Variants in RIMS2 observed in about 807,000 individuals in gnomAD.
RIMS2 encodes the protein regulating synaptic membrane exocytosis protein 2.
RIMS2 carries 59 observed loss-of-function variants against 174.4 expected under a neutral mutation model. The ratio of observed to expected loss-of-function variants is 0.34; its 90% CI spans 0.27 to 0.42. The LOEUF (loss-of-function observed/expected upper bound fraction) is 0.42. Among genes scored for constraint, RIMS2 ranks in the 10% least tolerant of loss-of-function variants. RIMS2 has a pLI of 1.00. For synonymous variants in RIMS2, 606 were observed against 572.5 expected, an observed-to-expected ratio of 1.06 and a Z score of -0.84; for missense variants, 1,620 against 1,666.3, an observed-to-expected ratio of 0.97 and a Z score of 0.48.
intron 19 of RIMS2, among the ~76,000 whole-genome samples, chr8:104,205,169 T>A (rs184733858): frequency 6.6e-6 from 1 of 152,322 alleles, no homozygotes; most frequent in African/African-American, 2.4e-5. Context: ...GTGAAAACTA[T>A]ACCTTTTTCC....
chr8:103,885,908 A>G, exon 4 of RIMS2: 1 of 1,613,052 alleles, frequency 6.2e-7, no homozygotes, highest in Non-Finnish European at 8.5e-7. Context: ...TCCTACCCCC[A>G]GGAGGAGTCC....
chr8:103,708,558 A>G (rs879421206), intron 2 of RIMS2, among the ~76,000 whole-genome samples: 8 of 152,120 alleles, frequency 5.3e-5, no homozygotes, highest in Non-Finnish European at 7.4e-5. Context: ...CTTGCCAGGG[A>G]CATGATCACA....
At chr8:103,526,176 G>C (rs1035097429) in intron 1 of RIMS2, among the ~76,000 whole-genome samples, 11 of 152,278 alleles carry the variant, frequency 7.2e-5, no homozygotes, top group Middle Eastern at 3.4e-3. Flanking sequence ...CCAGGCTTTG[G>C]GTTGGGACCT....
chr8:103,728,571 T>C (rs1167739285), intron 2 of RIMS2, among the ~76,000 whole-genome samples: 1 of 152,042 alleles, frequency 6.6e-6, no homozygotes, highest in East Asian at 1.9e-4. Flanking sequence ...GGGTCTGGCA[T>C]ACATGGCTTT....
chr8:104,204,702 G>C (rs753301249), intron 19 of RIMS2, among the ~76,000 whole-genome samples: 21 of 152,154 alleles, frequency 1.4e-4, no homozygotes, highest in Non-Finnish European at 2.5e-4. Context: ...TTTGAGGAAA[G>C]AGAGAAGCTA....
intron 4 of RIMS2, among the ~76,000 whole-genome samples, chr8:103,892,027 G>A (rs992883607): frequency 2.0e-5 from 3 of 151,948 alleles, no homozygotes; most frequent in African/African-American, 7.2e-5. Context: ...GAATTTATGT[G>A]TTTGTAAAGA....
chr8:103,910,376 T>C (rs779306669), intron 5 of RIMS2: 4 of 1,598,232 alleles, frequency 2.5e-6, no homozygotes, highest in African/African-American at 2.7e-5. Context: ...TGTCGGACTC[T>C]AACACCAGGT....
downstream of RIMS2, chr8:104,254,709 T>G (rs976566827): frequency 8.5e-5 from 13 of 152,212 alleles, no homozygotes; most frequent in African/African-American, 3.1e-4. Flanking sequence ...ACAGATTTTT[T>G]GAGTGAAATT....
At chr8:103,588,096 TGCTATATGCCA>T (rs1224102879) in intron 1 of RIMS2, among the ~76,000 whole-genome samples, 1 of 151,986 alleles carries the variant, frequency 6.6e-6, no homozygotes, top group East Asian at 1.9e-4. Flanking sequence ...TCAGTAGCAT[TGCTATATGCCA>T]ACAGTGAAGA....
intron 1 of RIMS2, among the ~76,000 whole-genome samples, chr8:103,670,757 A>G (rs886464119): frequency 5.3e-5 from 8 of 152,186 alleles, no homozygotes; most frequent in Non-Finnish European, 1.0e-4. Flanking sequence ...CATTGTCTAT[A>G]TCATTATCAG....
At chr8:103,911,679 G>A (rs935621468) in intron 5 of RIMS2, among the ~76,000 whole-genome samples, 7 of 152,178 alleles carry the variant, frequency 4.6e-5, no homozygotes, top group Non-Finnish European at 8.8e-5. Flanking sequence ...ATTCACTTGC[G>A]TAGAATTTCA....
intron 2 of RIMS2, among the ~76,000 whole-genome samples, chr8:103,758,470 T>C (rs2098060421): frequency 6.6e-6 from 1 of 152,112 alleles, no homozygotes. Context: ...AAGCTGTAGG[T>C]TGAGAAGATT....
intron 2 of RIMS2, among the ~76,000 whole-genome samples, chr8:103,736,430 A>G (rs2097686494): frequency 6.6e-6 from 1 of 152,128 alleles, no homozygotes; most frequent in Admixed American, 6.6e-5. Context: ...ATTAGCTTGA[A>G]CTTCTGCATG....
At chr8:103,547,901 G>C (rs150722786) in intron 1 of RIMS2, among the ~76,000 whole-genome samples, 41 of 152,162 alleles carry the variant, frequency 2.7e-4, no homozygotes, top group African/African-American at 9.2e-4. Context: ...ACACAAACTA[G>C]AAAACTTAGA....
chr8:103,762,948 G>T (rs541418328), intron 2 of RIMS2, among the ~76,000 whole-genome samples: 2 of 152,122 alleles, frequency 1.3e-5, no homozygotes, highest in African/African-American at 4.8e-5. Context: ...GTAAAAATAC[G>T]GTATTATAAT....
intron 19 of RIMS2, among the ~76,000 whole-genome samples, chr8:104,056,903 T>G (rs941597089): frequency 5.9e-5 from 9 of 151,942 alleles, no homozygotes; most frequent in Non-Finnish European, 8.8e-5. Context: ...AAAAAAAAGT[T>G]TTTATTTAAT....
intron 19 of RIMS2, among the ~76,000 whole-genome samples, chr8:104,133,573 C>T (rs1464775579): frequency 6.6e-6 from 1 of 151,964 alleles, no homozygotes; most frequent in Non-Finnish European, 1.5e-5. Context: ...TAGCAGACTG[C>T]CATAAAATGA....
chr8:103,912,305 A>C (rs1460270339), intron 6 of RIMS2, 133 bp downstream of exon 9: 1 of 522,602 alleles, frequency 1.9e-6, no homozygotes, highest in African/African-American at 1.9e-5. Context: ...GAAGATTCGC[A>C]CTCATTATCT....
At chr8:103,758,575 A>T (rs1239933354) in intron 2 of RIMS2, among the ~76,000 whole-genome samples, 1 of 152,132 alleles carries the variant, frequency 6.6e-6, no homozygotes, top group Non-Finnish European at 1.5e-5. Context: ...GTTCTGTTAA[A>T]CCATAAGACC....
Sources: gnomAD v4.1 joint callset for allele counts (sites outside exome capture counted in the v4.1 genomes callset) on GRCh38, gnomAD v4.1.1 for gene constraint, MANE v1.5 for transcripts, NCBI Gene and HGNC (gene_info 2026-07-23, HGNC 2026-07-21) for gene names.